MORN1: variants seen among roughly 807,000 people sequenced by gnomAD.
MORN1 encodes the protein MORN repeat containing 1, also known as MORN repeat-containing protein 1.
In MORN1, 67 loss-of-function variants were observed where a neutral mutation model predicts 61.9. That is an observed-to-expected ratio of 1.08 (90% CI 0.89 to 1.33). MORN1 has a LOEUF of 1.33. MORN1 is among the 40% of genes most tolerant of loss of function. The pLI is 0.00. For synonymous variants in MORN1, 301 were observed against 292.0 expected, an observed-to-expected ratio of 1.03 and a Z score of -0.31; for missense variants, 752 against 691.2, an observed-to-expected ratio of 1.09 and a Z score of -0.99.
At chr1:2,333,910 A>G (rs1641212562) in intron 12 of MORN1, among the ~76,000 whole-genome samples, 1 of 107,010 alleles carries the variant, frequency 9.3e-6, no homozygotes, top group South Asian at 3.6e-4. Flanking sequence ...GCTGGAAAGA[A>G]CAGCTTTCTT....
chr1:2,345,851 ACACAGAT>A (rs1195675939), intron 10 of MORN1, among the ~76,000 whole-genome samples: 2 of 99,622 alleles, frequency 2.0e-5, no homozygotes, highest in East Asian at 2.5e-4. Flanking sequence ...ACACACACAC[ACACAGAT>A]GTTTGCTCTT....
intron 8 of MORN1, among the ~76,000 whole-genome samples, chr1:2,361,659 C>T (rs1286536968): frequency 6.6e-6 from 1 of 152,152 alleles, no homozygotes; most frequent in Non-Finnish European, 1.5e-5. Flanking sequence ...GGATGTGATT[C>T]ACAACAGGTT....
intron 8 of MORN1, among the ~76,000 whole-genome samples, chr1:2,361,429 G>C (rs560156678): frequency 6.6e-6 from 1 of 152,172 alleles, no homozygotes; most frequent in African/African-American, 2.4e-5. Flanking sequence ...GTGGTGGCAC[G>C]TGTCTGTCAT....
intron 10 of MORN1, among the ~76,000 whole-genome samples, chr1:2,342,829 T>C (rs1376800389): frequency 7.6e-6 from 1 of 131,536 alleles, no homozygotes; most frequent in Non-Finnish European, 1.6e-5. Context: ...TTAAATATTT[T>C]ATTTTATTTT....
chr1:2,322,519 C>G, intron 13 of MORN1: 1 of 984,986 alleles, frequency 1.0e-6, no homozygotes, highest in African/African-American at 1.7e-5. Context: ...CCTCGGGGGC[C>G]GGGAGGAATG....
Position 2,337,797 on chromosome 1 carries a change from T to C in MORN1, c.1037-947A>G, listed in dbSNP as rs1349309126. On this transcript the variant is annotated intron_variant, in intron 10 of 13. Coordinates refer to ENST00000378531, the MANE Select transcript of MORN1 (RefSeq NM_024848.3). The surrounding 1 kb of genome is among the most constrained non-coding windows in gnomAD (Gnocchi z 5.7). Reference sequence around the variant, plus strand: ...GAGGGCTGGAGGTCGGCACCAGAGCTGGCTGGACAGGGGAGTTCTGAGAGG... The same window carrying C: ...GAGGGCTGGAGGTCGGCACCAGAGCCGGCTGGACAGGGGAGTTCTGAGAGG... Among the ~76,000 whole-genome samples the C allele has an allele frequency of 6.6e-6, 1 of 151,980 alleles. No individual in the cohort carries two copies. Among genetic ancestry groups the C allele is most frequent in the East Asian group, 1.9e-4 (1 of 5,178 alleles).
chr1:2,385,104 G>T, intron 5 of MORN1, 39 bp from the exon 6 acceptor site: 1 of 1,551,786 alleles, frequency 6.4e-7, no homozygotes, highest in Non-Finnish European at 8.7e-7. Flanking sequence ...TCAACAGGGG[G>T]AGCCGGGTGG....
chr1:2,332,304 C>A, intron 12 of MORN1: 1 of 290,626 alleles, frequency 3.4e-6, no homozygotes, highest in South Asian at 3.1e-5. Context: ...TTCTGAGGGA[C>A]AGGGGGCTCC....
chr1:2,322,475 C>T (rs563469068), intron 13 of MORN1: 26 of 985,360 alleles, frequency 2.6e-5, no homozygotes, highest in Middle Eastern at 5.2e-4. Context: ...CGGGCTCGGC[C>T]GCCTGTGCGT....
intron 12 of MORN1, among the ~76,000 whole-genome samples, chr1:2,331,036 G>A (rs984511403): frequency 6.6e-6 from 1 of 152,226 alleles, no homozygotes; most frequent in Admixed American, 6.5e-5. Flanking sequence ...TCTCAGAAAC[G>A]CGGCCCCTCC....
At chr1:2,382,461 A>G (rs1288163040) in intron 6 of MORN1, among the ~76,000 whole-genome samples, 1 of 152,204 alleles carries the variant, frequency 6.6e-6, no homozygotes, top group African/African-American at 2.4e-5. Flanking sequence ...ACCCGAGCCC[A>G]AGCTCCAGAG....
chr1:2,358,731 A>T lies in MORN1; in HGVS notation c.746-16T>A. On this transcript the variant is annotated splice_polypyrimidine_tract_variant and intron_variant, in intron 8 of 13. Transcript: ENST00000378531. Reference sequence around the variant, plus strand: ...CCGCTCTCGCCTTCCAGGAGAGAGGAGCAGGCAGTGAACACTCACAGGCAC... The same window carrying T: ...CCGCTCTCGCCTTCCAGGAGAGAGGTGCAGGCAGTGAACACTCACAGGCAC... The T allele has an allele frequency of 5.0e-6, 8 of 1,601,592 alleles. No homozygotes were observed. The highest frequency in any genetic ancestry group is 6.8e-6 in the Non-Finnish European group (8 of 1,173,308).
At chr1:2,343,547 C>T (rs985185721) in intron 10 of MORN1, among the ~76,000 whole-genome samples, 1 of 152,136 alleles carries the variant, frequency 6.6e-6, no homozygotes, top group South Asian at 2.1e-4. Context: ...GGGGGCCTGG[C>T]CAAGGTCCGG....
rs1014827011 is a variant in MORN1, at chr1:2,322,327, C to T, written c.1298-748G>A. 21 of 985,280 alleles carry T rather than the reference C, an allele frequency of 2.1e-5. No individual in the cohort carries two copies. The East Asian group carries it at 3.4e-4, about 16-fold the overall frequency. The allele number at this position is 985,280 out of a possible 1,614,324, so 61.0% of individuals were successfully genotyped here. On this transcript the variant is annotated intron_variant, in intron 13 of 13. Coordinates refer to ENST00000378531, the MANE Select transcript of MORN1 (RefSeq NM_024848.3). ...CGTGGAAAAAGCGCCTCGGCTGGCC[C>T]GGGCTCACACCAGGAATGCGGCCGC...
intron 13 of MORN1, chr1:2,322,472 G>A (rs543645617): frequency 3.3e-4 from 328 of 985,386 alleles, no homozygotes; most frequent in Admixed American, 5.5e-4. Flanking sequence ...CCACGGGCTC[G>A]GCCGCCTGTG....
intron 6 of MORN1, among the ~76,000 whole-genome samples, chr1:2,384,592 A>T (rs1245629684): frequency 1.3e-5 from 2 of 152,200 alleles, no homozygotes; most frequent in Non-Finnish European, 2.9e-5. Flanking sequence ...GCCGAGGCGC[A>T]GAGGCTCCCA....
At chr1:2,383,982 C>A (rs1018836865) in intron 6 of MORN1, among the ~76,000 whole-genome samples, 2 of 152,196 alleles carry the variant, frequency 1.3e-5, no homozygotes, top group African/African-American at 4.8e-5. Context: ...CTCCGGGCCC[C>A]CTCCTGACAC....
At chr1:2,333,457 C>A (rs1641201882) in intron 12 of MORN1, among the ~76,000 whole-genome samples, 1 of 152,188 alleles carries the variant, frequency 6.6e-6, no homozygotes, top group Non-Finnish European at 1.5e-5. Flanking sequence ...GACGCTGGAA[C>A]AATACAGGAC....
At chr1:2,356,039 G>A (rs1641760483) in intron 10 of MORN1, among the ~76,000 whole-genome samples, 1 of 152,354 alleles carries the variant, frequency 6.6e-6, no homozygotes, top group South Asian at 2.1e-4. Flanking sequence ...GAGGGTTGGA[G>A]TTGGGGGATC....
Sources: allele counts gnomAD v4.1 joint callset (sites outside exome capture counted in the v4.1 genomes callset), GRCh38; gene constraint gnomAD v4.1.1; non-coding constraint Gnocchi (gnomAD v3.1); transcripts MANE v1.5; gene names NCBI Gene and HGNC (gene_info 2026-07-23, HGNC 2026-07-21).